Variants in RORA observed in about 807,000 individuals in gnomAD.
RORA encodes the protein nuclear receptor ROR-alpha.
Under a neutral mutation model 69.5 loss-of-function variants are expected in RORA, and 7 were observed. The ratio of observed to expected loss-of-function variants is 0.10; its 90% CI spans 0.06 to 0.19. The LOEUF (loss-of-function observed/expected upper bound fraction) is 0.19. Among genes scored for constraint, RORA ranks in the 10% least tolerant of loss-of-function variants. RORA has a pLI of 1.00. For synonymous variants in RORA, 261 were observed against 240.8 expected, an observed-to-expected ratio of 1.08 and a Z score of -0.78; for missense variants, 457 against 663.0, an observed-to-expected ratio of 0.69 and a Z score of 3.41.
chr15:60,763,096 T>TTTA (rs375632043), intron 1 of RORA, among the ~76,000 whole-genome samples: 5,553 of 108,862 alleles, frequency 0.051, 512 homozygotes, highest in Non-Finnish European at 0.081. Context: ...TTTTTTTTTT[T>TTTA]AACCAACCTA....
intron 2 of RORA, among the ~76,000 whole-genome samples, chr15:60,590,335 CTTA>C (rs1364205904): frequency 6.6e-6 from 1 of 152,150 alleles, no homozygotes; most frequent in Admixed American, 6.5e-5. Flanking sequence ...GTGTGTGATT[CTTA>C]TTATTCTATT....
chr15:60,591,352 C>A (rs1596025166), intron 2 of RORA, among the ~76,000 whole-genome samples: 1 of 152,168 alleles, frequency 6.6e-6, no homozygotes, highest in South Asian at 2.1e-4. Context: ...TGTTTGCAAC[C>A]GTCCCAAGAG....
chr15:61,213,162 G>A lies in RORA; in HGVS notation c.166+15891C>T, dbSNP rs537186964. Among the ~76,000 whole-genome samples the A allele has an allele frequency of 7.2e-5, 11 of 151,854 alleles. No individual in the cohort carries two copies. Among genetic ancestry groups the A allele is most frequent in the East Asian group, 3.9e-4 (2 of 5,160 alleles). On this transcript the variant is annotated intron_variant, in intron 1 of 10. Transcript: ENST00000335670. This position sits in a 1 kb window ranked among gnomAD's most constrained non-coding sequence, Gnocchi z 4.1. ...CTACACTGTCCCAGCCAATAATCCC[G>A]GCCCACACTCTGCACTTGACTCCTG... is the stretch of plus-strand genomic sequence containing the variant.
intron 3 of RORA, among the ~76,000 whole-genome samples, chr15:60,518,999 T>TATTA: frequency 6.6e-6 from 1 of 152,248 alleles, no homozygotes; most frequent in Non-Finnish European, 1.5e-5. Context: ...ACATAACTTT[T>TATTA]ATTACAGTAT....
chr15:61,212,030 C>A (rs2079996790), intron 1 of RORA: 1 of 152,142 alleles, frequency 6.6e-6, no homozygotes, highest in Non-Finnish European at 1.5e-5. Context: ...ACTTAGTTTC[C>A]CATGGCTAGA....
intron 1 of RORA, among the ~76,000 whole-genome samples, chr15:60,876,544 C>T (rs551502736): frequency 6.6e-6 from 1 of 152,334 alleles, no homozygotes; most frequent in South Asian, 2.1e-4. Context: ...TTCGTTATCA[C>T]ATCAAGGCTA....
chr15:60,648,756 G>A (rs1202514492), intron 2 of RORA, among the ~76,000 whole-genome samples: 2 of 152,116 alleles, frequency 1.3e-5, no homozygotes, highest in East Asian at 3.9e-4. Context: ...TGATGGAAAC[G>A]AAAGACACCC....
intron 1 of RORA, among the ~76,000 whole-genome samples, chr15:61,039,744 CAA>C (rs5813062): frequency 0.015 from 1,265 of 82,576 alleles, 16 homozygotes; most frequent in African/African-American, 0.053. Flanking sequence ...GACTCTGTCT[CAA>C]AAAAAAAAAA....
chr15:60,649,771 A>C (rs1270491198), intron 2 of RORA, among the ~76,000 whole-genome samples: 1 of 152,178 alleles, frequency 6.6e-6, no homozygotes, highest in African/African-American at 2.4e-5. Context: ...TGAATATTGC[A>C]ATATTAAACA....
At chr15:60,976,156 C>G (rs564595711) in intron 1 of RORA, among the ~76,000 whole-genome samples, 1 of 152,160 alleles carries the variant, frequency 6.6e-6, no homozygotes, top group South Asian at 2.1e-4. Context: ...AGCCGTGGCT[C>G]GGAGTGCGTG....
At chr15:61,136,688 T>G (rs1363883829) in intron 1 of RORA, among the ~76,000 whole-genome samples, 1 of 152,086 alleles carries the variant, frequency 6.6e-6, no homozygotes, top group Admixed American at 6.6e-5. Flanking sequence ...TAATTCAGAG[T>G]TACTGGGACT....
In RORA at chr15:60,531,518, G is replaced by T. The variant is rs1055080132; in HGVS notation, c.282+248C>A. ...GATTGCTCATGAGTTCAACTCTGGG[G>T]TTGAAAGTGATAAACAAGCAATGCT... On this transcript the variant is annotated intron_variant, in intron 3 of 10. Transcript: ENST00000335670. The surrounding 1 kb of genome is among the most constrained non-coding windows in gnomAD (Gnocchi z 4.8). 8 of 406,956 alleles carry T rather than the reference G, an allele frequency of 2.0e-5. No homozygotes were observed. The highest frequency in any genetic ancestry group is 3.0e-5 in the Non-Finnish European group (7 of 233,280). 25.2% of individuals were successfully genotyped at this position (406,956 alleles called of 1,614,324 possible).
At chr15:60,933,013 C>T (rs1015647687) in intron 1 of RORA, among the ~76,000 whole-genome samples, 2 of 152,242 alleles carry the variant, frequency 1.3e-5, no homozygotes, top group East Asian at 3.9e-4. Context: ...TTCCAGGTTG[C>T]CCCCCACAGT....
At chr15:61,001,413 T>C (rs1894740661) in intron 1 of RORA, among the ~76,000 whole-genome samples, 2 of 149,300 alleles carry the variant, frequency 1.3e-5, no homozygotes, top group Non-Finnish European at 3.0e-5. Context: ...GAAGCTGAAA[T>C]GTTAAGAGTC....
At chr15:60,712,564 C>T (rs1404753433) in intron 1 of RORA, among the ~76,000 whole-genome samples, 1 of 152,182 alleles carries the variant, frequency 6.6e-6, no homozygotes, top group East Asian at 1.9e-4. Context: ...AAGGTATCCA[C>T]CTAACTTCTG....
chr15:60,576,431 A>C (rs1355459964), intron 2 of RORA, among the ~76,000 whole-genome samples: 1 of 152,238 alleles, frequency 6.6e-6, no homozygotes, highest in East Asian at 1.9e-4. Flanking sequence ...CTATTTGATA[A>C]TAACAAAGAG....
At chr15:60,955,311 C>T (rs1383117653) in intron 1 of RORA, among the ~76,000 whole-genome samples, 1 of 152,038 alleles carries the variant, frequency 6.6e-6, no homozygotes, top group Non-Finnish European at 1.5e-5. Context: ...CAAAAACAAA[C>T]AAACAAAAAA....
At chr15:61,178,077 A>G (rs1301050478) in intron 1 of RORA, among the ~76,000 whole-genome samples, 2 of 152,230 alleles carry the variant, frequency 1.3e-5, no homozygotes, top group African/African-American at 4.8e-5. Context: ...TCTTATTCTT[A>G]GCATTAAAAA....
In RORA at chr15:61,131,384, A is replaced by G. The variant is rs1206064315; in HGVS notation, c.166+97669T>C. 6.6e-6 allele frequency among the ~76,000 whole-genome samples: 1 copy of G among 152,248 alleles called. No individual in the cohort carries two copies. The highest frequency in any genetic ancestry group is 1.5e-5 in the Non-Finnish European group (1 of 68,038). Reference sequence around the variant, plus strand: ...CTCTTTCATCAGAGACTTCTAGCAGATTTCAGCAGCATTTGCTGGAGCAAG... The same window carrying G: ...CTCTTTCATCAGAGACTTCTAGCAGGTTTCAGCAGCATTTGCTGGAGCAAG... On this transcript the variant is annotated intron_variant, in intron 1 of 10. Coordinates refer to ENST00000335670, the MANE Select transcript of RORA (RefSeq NM_134261.3). This position sits in a 1 kb window ranked among gnomAD's most constrained non-coding sequence, Gnocchi z 4.2.
Sources: allele counts gnomAD v4.1 joint callset (sites outside exome capture counted in the v4.1 genomes callset), GRCh38; gene constraint gnomAD v4.1.1; non-coding constraint Gnocchi (gnomAD v3.1); transcripts MANE v1.5; gene names NCBI Gene and HGNC (gene_info 2026-07-23, HGNC 2026-07-21).